BAZ2B: variants seen among roughly 807,000 people sequenced by gnomAD.
BAZ2B encodes bromodomain adjacent to zinc finger domain 2B.
A neutral mutation model predicts 246.0 loss-of-function variants in BAZ2B; 91 were observed. The ratio of observed to expected loss-of-function variants is 0.37; its 90% CI spans 0.31 to 0.44. The LOEUF (loss-of-function observed/expected upper bound fraction) is 0.44. Among genes scored for constraint, BAZ2B ranks in the 20% least tolerant of loss-of-function variants. The probability of loss-of-function intolerance (pLI) is 1.00; values close to 1 mark genes in which losing one functional copy is unlikely to be tolerated. For synonymous variants in BAZ2B, 855 were observed against 860.0 expected (o/e 0.99, Z 0.10); for missense variants, 2,332 against 2,533.7 (o/e 0.92, Z 1.71).
intron 2 of BAZ2B, among the ~76,000 whole-genome samples, chr2:159,536,745 GT>G (rs1207954594): frequency 6.6e-6 from 1 of 152,010 alleles, no homozygotes; most frequent in Admixed American, 6.6e-5. Context: ...AAAAACCAAT[GT>G]TAAGAAAAAA....
intron 13 of BAZ2B, among the ~76,000 whole-genome samples, chr2:159,423,066 A>G (rs149048765): frequency 1.6e-3 from 247 of 152,270 alleles, no homozygotes; most frequent in Admixed American, 3.3e-3. Flanking sequence ...CTGTAATCTC[A>G]GCACTTTGGG....
At chr2:159,469,539 G>A (rs916276753) in intron 3 of BAZ2B, among the ~76,000 whole-genome samples, 24 of 152,102 alleles carry the variant, frequency 1.6e-4, no homozygotes, top group African/African-American at 5.1e-4. Flanking sequence ...AGGTTCAAGC[G>A]ATTCCCCTGC....
Position 159,446,962 on chromosome 2 carries a change from T to C in BAZ2B, c.516A>G (p.Ser172=). The C allele has an allele frequency of 6.3e-7, 1 of 1,580,312 alleles. No homozygotes were observed. Among genetic ancestry groups the C allele is most frequent in the African/African-American group, 1.4e-5 (1 of 73,718 alleles). The change falls in exon 6 of 37, where the codon TCA becomes TCG. Residue 172 remains serine (S), a synonymous_variant. Transcript: ENST00000392783. ...RNGPEKGVNG[S]INGSNTSSVI... ...CAGATGATGTATTACTTCCATTTAT[T>C]GACCCATTTACACCTTGAAAATAAA...
chr2:159,607,235 A>C (rs1693718301), intron 1 of BAZ2B, among the ~76,000 whole-genome samples: 2 of 152,136 alleles, frequency 1.3e-5, no homozygotes, highest in African/African-American at 2.4e-5. Context: ...GAAGGAACTA[A>C]AAGAAGTAAA....
At position 159,438,488 on chromosome 2, in the gene BAZ2B, T is replaced by C. The variant is rs372673198; in HGVS notation, c.1108A>G (p.Lys370Glu). 4 of 1,614,078 alleles carry C rather than the reference T, an allele frequency of 2.5e-6. No individual in the cohort carries two copies. Among genetic ancestry groups the C allele is most frequent in the Non-Finnish European group, 3.4e-6 (4 of 1,180,028 alleles). ...GTAGACTGTATTACACTGGTGTGTT[T>C]GTTCACAGATTCCTCCTTTGCCTGA... Reference protein sequence around the residue: ...SSQAKEESVNKHTSVIQSTGL... With the variant: ...SSQAKEESVNEHTSVIQSTGL... Residue 370 changes from lysine to glutamate, a missense_variant, in exon 8 of 37, where the codon AAA becomes GAA. By Grantham distance (56) the Lys-to-Glu change is moderately conservative. Transcript: ENST00000392783.
chr2:159,609,611 G>T (rs1043988536), intron 1 of BAZ2B, among the ~76,000 whole-genome samples: 2 of 152,060 alleles, frequency 1.3e-5, no homozygotes, highest in Non-Finnish European at 2.9e-5. Context: ...TATAATCTAG[G>T]TTTGTTTGGT....
the BAZ2B span, among the ~76,000 whole-genome samples, chr2:159,687,242 T>G: frequency 2.0e-5 from 3 of 152,080 alleles, no homozygotes; most frequent in Non-Finnish European, 4.4e-5. Context: ...AACAATGAGG[T>G]GGAGGAGAAT....
intron 27 of BAZ2B, among the ~76,000 whole-genome samples, chr2:159,356,350 T>G (rs2059113006): frequency 6.6e-6 from 1 of 152,150 alleles, no homozygotes; most frequent in Non-Finnish European, 1.5e-5. Context: ...CGTTTTCCCC[T>G]CACAGTGTAA....
chr2:159,681,653 G>A, the BAZ2B span, among the ~76,000 whole-genome samples: 2 of 152,292 alleles, frequency 1.3e-5, no homozygotes, highest in East Asian at 3.9e-4. Flanking sequence ...ATTTCAGGCT[G>A]GGTGTGGTGG....
At chr2:159,497,786 C>T (rs959109315) in intron 2 of BAZ2B, among the ~76,000 whole-genome samples, 5 of 152,166 alleles carry the variant, frequency 3.3e-5, no homozygotes, top group East Asian at 1.9e-4. Flanking sequence ...TCCCTGCCAA[C>T]GAAAGAGCCT....
At position 159,350,366 on chromosome 2, in the gene BAZ2B, T is replaced by A. The variant is rs1212121437; in HGVS notation, c.4214-9A>T. On this transcript the variant is annotated splice_polypyrimidine_tract_variant and intron_variant, in intron 27 of 36. Transcript: ENST00000392783. ...TGCAATTTCTTCTAGTCCTACAAAA[T>A]GAAAAAGCATTATGAACATCAGTTA... The A allele has an allele frequency of 1.3e-6, 2 of 1,508,168 alleles. No homozygotes were observed. Among genetic ancestry groups the A allele is most frequent in the Admixed American group, 2.3e-5 (1 of 43,072 alleles). The allele number at this position is 1,508,168 out of a possible 1,614,324, so 93.4% of individuals were successfully genotyped here.
intron 1 of BAZ2B, among the ~76,000 whole-genome samples, chr2:159,558,873 AAAG>A (rs1413335244): frequency 6.6e-6 from 1 of 152,210 alleles, no homozygotes; most frequent in Non-Finnish European, 1.5e-5. Flanking sequence ...AAGATGGGTA[AAAG>A]AAGATAAGAC....
chr2:159,516,332 G>C (rs2083441745), intron 2 of BAZ2B: 1 of 152,046 alleles, frequency 6.6e-6, no homozygotes, highest in Non-Finnish European at 1.5e-5. Flanking sequence ...ATTCAGAGCA[G>C]TGACAGCACT....
At chr2:159,533,367 G>A (rs1401180816) in intron 2 of BAZ2B, among the ~76,000 whole-genome samples, 2 of 152,112 alleles carry the variant, frequency 1.3e-5, no homozygotes, top group Admixed American at 1.3e-4. Context: ...CTAGGAATTC[G>A]ACACCAATAC....
At chr2:159,462,665 T>C in intron 3 of BAZ2B, 1 of 1,108,460 alleles carries the variant, frequency 9.0e-7, no homozygotes, top group Non-Finnish European at 1.4e-6. Context: ...TTCGTAATAG[T>C]GAACCTGAAT....
chr2:159,666,967 T>C, the BAZ2B span, among the ~76,000 whole-genome samples: 1 of 151,816 alleles, frequency 6.6e-6, no homozygotes, highest in Non-Finnish European at 1.5e-5. Context: ...TTAGGAGAAA[T>C]ACCTAATGCA....
chr2:159,569,752 G>A (rs1273376218), intron 1 of BAZ2B, among the ~76,000 whole-genome samples: 1 of 152,024 alleles, frequency 6.6e-6, no homozygotes, highest in African/African-American at 2.4e-5. Context: ...TTGAGCCCAG[G>A]AGTTTGAGAC....
At chr2:159,326,293 T>C (rs1436811551) in intron 34 of BAZ2B, among the ~76,000 whole-genome samples, 2 of 151,960 alleles carry the variant, frequency 1.3e-5, no homozygotes, top group Non-Finnish European at 2.9e-5. Context: ...TGAATATAAA[T>C]GAAAATATAG....
intron 34 of BAZ2B, among the ~76,000 whole-genome samples, chr2:159,326,806 G>A (rs995165077): frequency 1.3e-5 from 2 of 152,084 alleles, no homozygotes; most frequent in Non-Finnish European, 2.9e-5. Context: ...CAAGAAGGGT[G>A]CCCCACCCTG....
Sources: gnomAD v4.1 joint callset for allele counts (sites outside exome capture counted in the v4.1 genomes callset) on GRCh38, gnomAD v4.1.1 for gene constraint, MANE v1.5 for transcripts, NCBI Gene and HGNC (gene_info 2026-07-23, HGNC 2026-07-21) for gene names.